Variants in WDR7 observed in about 807,000 individuals in gnomAD.
WDR7 encodes WD repeat domain 7.
A neutral mutation model predicts 169.4 loss-of-function variants in WDR7; 46 were observed. That is an observed-to-expected ratio of 0.27 (90% CI 0.21 to 0.35). The LOEUF (loss-of-function observed/expected upper bound fraction) is 0.35, where lower values mean the gene tolerates loss of function less well. WDR7 is among the 10% of genes least tolerant of loss of function. The probability of loss-of-function intolerance (pLI) is 1.00; values close to 1 mark genes in which losing one functional copy is unlikely to be tolerated. For missense variants in WDR7, 1,534 were observed against 1,859.3 expected (o/e 0.83, Z 3.22); for synonymous variants, 612 against 666.8 (o/e 0.92, Z 1.27).
intron 20 of WDR7, among the ~76,000 whole-genome samples, chr18:56,876,210 C>T (rs564280673): frequency 2.0e-5 from 3 of 152,122 alleles, no homozygotes; most frequent in African/African-American, 4.8e-5. Context: ...GCTAATTTCT[C>T]GGTTGGCATA....
chr18:56,783,409 T>C (rs1485924740), intron 19 of WDR7, among the ~76,000 whole-genome samples: 2 of 152,176 alleles, frequency 1.3e-5, no homozygotes, highest in South Asian at 2.1e-4. Flanking sequence ...GATCATCTCA[T>C]CATAAGCTTT....
At chr18:56,673,994 G>A (rs955222016) in intron 2 of WDR7, among the ~76,000 whole-genome samples, 3 of 151,962 alleles carry the variant, frequency 2.0e-5, no homozygotes, top group African/African-American at 7.3e-5. Flanking sequence ...TGTTTTTAAG[G>A]TTCACCCACA....
chr18:56,764,809 T>C (rs531973682), intron 16 of WDR7, among the ~76,000 whole-genome samples: 1 of 152,276 alleles, frequency 6.6e-6, no homozygotes, highest in Non-Finnish European at 1.5e-5. Flanking sequence ...CTGATTTTTC[T>C]GCCTGCTTGC....
chr18:56,848,869 C>T (rs2045602907), intron 20 of WDR7, among the ~76,000 whole-genome samples: 1 of 152,150 alleles, frequency 6.6e-6, no homozygotes, highest in Non-Finnish European at 1.5e-5. Context: ...GTACAGCTTG[C>T]AATACTGTGA....
chr18:56,985,196 T>C (rs2047696854), intron 26 of WDR7, among the ~76,000 whole-genome samples: 1 of 152,186 alleles, frequency 6.6e-6, no homozygotes, highest in South Asian at 2.1e-4. Context: ...GCTACTTCTA[T>C]AGCAAGATTC....
At chr18:56,790,762 T>C (rs1175942377) in intron 19 of WDR7, among the ~76,000 whole-genome samples, 1 of 152,190 alleles carries the variant, frequency 6.6e-6, no homozygotes, top group Non-Finnish European at 1.5e-5. Context: ...AAATATGTAT[T>C]TTAAATATGT....
intron 21 of WDR7, among the ~76,000 whole-genome samples, chr18:56,897,592 G>A (rs2046347235): frequency 6.6e-6 from 1 of 151,734 alleles, no homozygotes; most frequent in Non-Finnish European, 1.5e-5. Context: ...ACTACCCAAG[G>A]GGCTTCATAA....
chr18:57,007,072 C>T (rs1027304019), intron 26 of WDR7, among the ~76,000 whole-genome samples: 10 of 151,672 alleles, frequency 6.6e-5, no homozygotes, highest in African/African-American at 2.4e-4. Context: ...CTCCACCTCC[C>T]GGGTTCACGC....
At chr18:56,956,137 GA>G (rs2047247160) in intron 25 of WDR7, among the ~76,000 whole-genome samples, 1 of 152,130 alleles carries the variant, frequency 6.6e-6, no homozygotes, top group Non-Finnish European at 1.5e-5. Context: ...CTCTCAAATG[GA>G]ATTCCCCAGT....
chr18:56,997,072 A>G (rs1159949141), intron 26 of WDR7, among the ~76,000 whole-genome samples: 1 of 152,192 alleles, frequency 6.6e-6, no homozygotes, highest in Non-Finnish European at 1.5e-5. Flanking sequence ...TGGAATTTAA[A>G]TACTTAATTT....
At chr18:56,776,913 A>G (rs777899608) in intron 17 of WDR7, 33 bp downstream of exon 17, 2 of 1,556,014 alleles carry the variant, frequency 1.3e-6, no homozygotes, top group South Asian at 1.1e-5. Flanking sequence ...ACTTTCTCTC[A>G]ATCTGTGCTT....
At chr18:56,871,371 A>G (rs1254379611) in intron 20 of WDR7, among the ~76,000 whole-genome samples, 1 of 152,190 alleles carries the variant, frequency 6.6e-6, no homozygotes, top group Admixed American at 6.5e-5. Context: ...TTTAGTCTCT[A>G]CATGTTGCCA....
chr18:56,983,744 A>C (rs1318736002), intron 26 of WDR7, among the ~76,000 whole-genome samples: 1 of 152,206 alleles, frequency 6.6e-6, no homozygotes, highest in Non-Finnish European at 1.5e-5. Context: ...TTACTAAACA[A>C]TATAGAACTG....
chr18:56,956,213 A>G (rs1228980224), intron 25 of WDR7, among the ~76,000 whole-genome samples: 1 of 152,120 alleles, frequency 6.6e-6, no homozygotes, highest in Non-Finnish European at 1.5e-5. Flanking sequence ...TCTCCACAGG[A>G]ATGATGCATT....
At position 56,938,635 on chromosome 18, in the gene WDR7, A is replaced by G; in HGVS notation, c.3934A>G (p.Ile1312Val). The part of the protein sequence containing the change: ...AKGEILRVIE[I>V]LIEKMPTDVV... ...AGGGGAAATTTTGAGAGTCATTGAA[A>G]TTCTTATTGAAAAGATGCCCACAGA... Residue 1312 changes from isoleucine to valine, a missense_variant, in exon 24 of 28, where the codon ATT becomes GTT. Transcript: ENST00000254442. 6.2e-7 allele frequency: 1 copy of G among 1,613,642 alleles called. No homozygotes were observed. The highest frequency in any genetic ancestry group is 8.5e-7 in the Non-Finnish European group (1 of 1,179,848).
At chr18:56,856,647 T>C (rs996656057) in intron 20 of WDR7, among the ~76,000 whole-genome samples, 1 of 152,000 alleles carries the variant, frequency 6.6e-6, no homozygotes, top group African/African-American at 2.4e-5. Context: ...ATAATGTATA[T>C]TTATAGGCTA....
intron 20 of WDR7, among the ~76,000 whole-genome samples, chr18:56,823,488 A>C (rs942143712): frequency 6.6e-6 from 1 of 152,184 alleles, no homozygotes; most frequent in Non-Finnish European, 1.5e-5. Context: ...TGGGAAGATG[A>C]GGCAGGAGAA....
rs772174128 is a variant in WDR7 at position 56,696,476 on chromosome 18, T to C, written c.1578+14T>C. ...GAAAACTGTAGTGTAAGTTGATTTA[T>C]ATAAAAGATTATTTCACTATGGTAG... On this transcript the variant is annotated intron_variant, in intron 12 of 27. Coordinates refer to ENST00000254442, the MANE Select transcript of WDR7 (RefSeq NM_015285.3). 3.8e-6 allele frequency: 6 copies of C among 1,590,558 alleles called. No individual in the cohort carries two copies. Among genetic ancestry groups the C allele is most frequent in the South Asian group, 3.4e-5 (3 of 87,494 alleles).
chr18:56,684,808 C>T (rs1160183219), intron 5 of WDR7, among the ~76,000 whole-genome samples: 2 of 152,176 alleles, frequency 1.3e-5, no homozygotes, highest in African/African-American at 2.4e-5. Context: ...GCAGGCTTCT[C>T]TAATGTGAAC....
Sources: gnomAD v4.1 joint callset for allele counts (sites outside exome capture counted in the v4.1 genomes callset) on GRCh38, gnomAD v4.1.1 for gene constraint, MANE v1.5 for transcripts, NCBI Gene and HGNC (gene_info 2026-07-23, HGNC 2026-07-21) for gene names.